FMN2: variants seen among roughly 807,000 people sequenced by gnomAD.
The protein encoded by FMN2 is formin-2.
A neutral mutation model predicts 142.3 loss-of-function variants in FMN2; 51 were observed. The observed-to-expected ratio is 0.36, with a 90% CI of 0.29 to 0.45. The LOEUF (loss-of-function observed/expected upper bound fraction) is 0.45, where lower values mean the gene tolerates loss of function less well. FMN2 is among the 20% of genes least tolerant of loss of function. The pLI is 1.00. For synonymous variants in FMN2, 882 were observed against 869.8 expected (o/e 1.01, Z -0.25); for missense variants, 1,936 against 2,122.8 (o/e 0.91, Z 1.73).
intron 15 of FMN2, among the ~76,000 whole-genome samples, chr1:240,394,852 C>T (rs1673721586): frequency 6.6e-6 from 1 of 152,126 alleles, no homozygotes; most frequent in Non-Finnish European, 1.5e-5. Flanking sequence ...CCTGTAATGC[C>T]AGCTACTCAG....
At chr1:240,296,257 A>G (rs1405364414) in intron 8 of FMN2, among the ~76,000 whole-genome samples, 1 of 150,542 alleles carries the variant, frequency 6.6e-6, no homozygotes, top group African/African-American at 2.4e-5. Context: ...AAGGAGAATA[A>G]CCATAGCACG....
At chr1:240,107,614 G>T (rs1214679661) in intron 1 of FMN2, among the ~76,000 whole-genome samples, 1 of 151,950 alleles carries the variant, frequency 6.6e-6, no homozygotes, top group Non-Finnish European at 1.5e-5. Context: ...AAAAGTGGTT[G>T]GTAGTTATCA....
At chr1:240,415,403 G>A (rs1674544705) in intron 15 of FMN2, among the ~76,000 whole-genome samples, 1 of 152,054 alleles carries the variant, frequency 6.6e-6, no homozygotes, top group Non-Finnish European at 1.5e-5. Context: ...GGGCCTGGGG[G>A]AGGGATAGCA....
Position 240,207,041 on chromosome 1 carries a change from G to T in FMN2, c.2229G>T (p.Ser743=). Residue 743 remains serine, a synonymous_variant, in exon 5 of 18, where the codon TCG becomes TCT. Coordinates refer to ENST00000319653, the MANE Select transcript of FMN2 (RefSeq NM_020066.5). Reference sequence around the variant, plus strand: ...ATCATAGGATTTTAGAGGCGAAATCGATACAGACTTCCCCCACGGAAGAGG... The same window carrying T: ...ATCATAGGATTTTAGAGGCGAAATCTATACAGACTTCCCCCACGGAAGAGG... ...VRHHRILEAK[S]IQTSPTEEGG... is the part of the protein sequence containing the mutation. 6.2e-7 allele frequency: 1 copy of T among 1,614,154 alleles called. No homozygotes were observed. Among genetic ancestry groups the T allele is most frequent in the African/African-American group, 1.3e-5 (1 of 75,038 alleles).
intron 2 of FMN2, among the ~76,000 whole-genome samples, chr1:240,152,832 T>A (rs1663844274): frequency 6.6e-6 from 1 of 152,162 alleles, no homozygotes; most frequent in Non-Finnish European, 1.5e-5. Flanking sequence ...CACCTCCTTC[T>A]CCCTTACTCA....
At chr1:240,194,505 G>C in intron 4 of FMN2, among the ~76,000 whole-genome samples, 1 of 152,216 alleles carries the variant, frequency 6.6e-6, no homozygotes. Context: ...AGGGAGAAGG[G>C]TGAGTGGAGG....
At chr1:240,130,935 T>G (rs1662710738) in intron 2 of FMN2, among the ~76,000 whole-genome samples, 1 of 152,066 alleles carries the variant, frequency 6.6e-6, no homozygotes, top group East Asian at 1.9e-4. Flanking sequence ...CCCAAGCCCC[T>G]GCCCTGTTAT....
At chr1:240,183,657 A>G (rs891703366) in intron 3 of FMN2, among the ~76,000 whole-genome samples, 32 of 152,022 alleles carry the variant, frequency 2.1e-4, no homozygotes, top group Middle Eastern at 6.8e-3. Flanking sequence ...TTTGTTGACA[A>G]TGAGAGGCAG....
intron 2 of FMN2, among the ~76,000 whole-genome samples, chr1:240,131,097 G>A (rs1662717414): frequency 6.6e-6 from 1 of 152,180 alleles, no homozygotes; most frequent in Non-Finnish European, 1.5e-5. Context: ...TATGCTGCAA[G>A]CTTAGGTAAA....
Position 240,092,254 on chromosome 1 carries a change from G to T in FMN2, c.145G>T (p.Gly49Cys). The change falls in exon 1 of 18, where the codon GGC becomes TGC. Residue 49 changes from glycine (G) to cysteine (C), a missense_variant. Coordinates refer to ENST00000319653, the MANE Select transcript of FMN2 (RefSeq NM_020066.5). ...GGGCAAGAAGGCGCTAGGCAAGCAC[G>T]GCAAGGGGGGAGGGGGCGGCGGCGG... ...SGGKKALGKH[G>C]KGGGGGGGGG... 9.3e-7 allele frequency: 1 copy of T among 1,077,530 alleles called. No homozygotes were observed. Among genetic ancestry groups the T allele is most frequent in the Non-Finnish European group, 1.3e-6 (1 of 741,476 alleles). The allele number at this position is 1,077,530 out of a possible 1,614,324, so 66.7% of individuals were successfully genotyped here. A position where few individuals can be genotyped will look rare whatever the true frequency, so the allele number is the denominator to read the frequency against.
chr1:240,206,306 C>A (rs1666350672), intron 4 of FMN2, among the ~76,000 whole-genome samples: 1 of 152,132 alleles, frequency 6.6e-6, no homozygotes, highest in African/African-American at 2.4e-5. Flanking sequence ...AGCGGTATGG[C>A]ACATGCTCAT....
At chr1:240,292,561 A>G (rs1669832201) in intron 7 of FMN2, among the ~76,000 whole-genome samples, 1 of 152,172 alleles carries the variant, frequency 6.6e-6, no homozygotes, top group South Asian at 2.1e-4. Flanking sequence ...TGTTGAATAC[A>G]TTTGGGAATG....
At chr1:240,175,167 A>ATTTAGCC (rs1664867542) in intron 2 of FMN2, among the ~76,000 whole-genome samples, 1 of 152,138 alleles carries the variant, frequency 6.6e-6, no homozygotes, top group Admixed American at 6.6e-5. Flanking sequence ...GTTTCCTTCT[A>ATTTAGCC]TTTAAAGGCT....
At chr1:240,356,704 C>T (rs899766730) in intron 14 of FMN2, among the ~76,000 whole-genome samples, 4 of 152,130 alleles carry the variant, frequency 2.6e-5, no homozygotes, top group Admixed American at 2.6e-4. Flanking sequence ...AGGAATTCTC[C>T]TAGAGGCTGA....
intron 2 of FMN2, among the ~76,000 whole-genome samples, chr1:240,152,667 C>A (rs759589466): frequency 1.3e-5 from 2 of 152,150 alleles, no homozygotes; most frequent in African/African-American, 4.8e-5. Context: ...GACAACATCC[C>A]GAGAAACTAA....
chr1:240,257,171 T>A lies in FMN2; in HGVS notation c.4066-774T>A, dbSNP rs945003614. Among the ~76,000 whole-genome samples the A allele has an allele frequency of 5.3e-5, 8 of 152,224 alleles. 1 individual carries two copies. The highest frequency in any genetic ancestry group is 2.0e-4 in the Admixed American group (3 of 15,284). On this transcript the variant is annotated intron_variant, in intron 6 of 17. Transcript: ENST00000319653. ...AAGCAGAATTTCCTGGTGATGCTGT[T>A]GTCTGGAAAACATGGTCAAAAAATA... is the stretch of plus-strand genomic sequence containing the variant.
intron 14 of FMN2, 50 bp from the exon 15 acceptor site, chr1:240,392,461 G>C (rs763144593): frequency 2.7e-6 from 4 of 1,501,682 alleles, no homozygotes; most frequent in Non-Finnish European, 3.7e-6. Context: ...TTGAAATAGT[G>C]TAACAACTTA....
intron 8 of FMN2, among the ~76,000 whole-genome samples, chr1:240,326,278 C>T (rs1482378611): frequency 6.6e-6 from 1 of 152,180 alleles, no homozygotes; most frequent in Non-Finnish European, 1.5e-5. Flanking sequence ...GTTCCCTTGA[C>T]TTGCCAAAAA....
chr1:240,159,941 A>ATATATATATATATATATATATATTTGTG (rs1433691714), intron 2 of FMN2, among the ~76,000 whole-genome samples: 143 of 112,832 alleles, frequency 1.3e-3, no homozygotes, highest in Non-Finnish European at 2.5e-3. Flanking sequence ...ATTTGTGTAT[A>ATATATATATATATATATATATATTTGTG]TATATATATC....
Sources: gnomAD v4.1 joint callset for allele counts (sites outside exome capture counted in the v4.1 genomes callset) on GRCh38, gnomAD v4.1.1 for gene constraint, MANE v1.5 for transcripts, NCBI Gene and HGNC (gene_info 2026-07-23, HGNC 2026-07-21) for gene names.